ZNF215: variants seen among roughly 807,000 people sequenced by gnomAD.
The protein encoded by ZNF215 is BWSCR2-associated zinc finger protein 2.
ZNF215 carries 24 observed loss-of-function variants against 27.2 expected under a neutral mutation model. The observed-to-expected ratio is 0.88, with a 90% CI of 0.64 to 1.24. The LOEUF is 1.24. ZNF215 is among the 50% of genes most tolerant of loss of function. The pLI, the probability that ZNF215 is intolerant of heterozygous loss-of-function variation, is 0.00. For synonymous variants in ZNF215, 210 were observed against 204.0 expected, an observed-to-expected ratio of 1.03 and a Z score of -0.25; for missense variants, 675 against 605.7, an observed-to-expected ratio of 1.11 and a Z score of -1.20.
At chr11:6,972,603 G>A (rs1202092160) in intron 5 of ZNF215, among the ~76,000 whole-genome samples, 3 of 151,998 alleles carry the variant, frequency 2.0e-5, no homozygotes, top group Non-Finnish European at 4.4e-5. Flanking sequence ...TTTAATAAAT[G>A]GATTTTAAAT....
chr11:6,975,676 G>C (rs1850819497), intron 5 of ZNF215, among the ~76,000 whole-genome samples: 1 of 151,940 alleles, frequency 6.6e-6, no homozygotes, highest in Admixed American at 6.6e-5. Flanking sequence ...CAAATGACTG[G>C]ATCTCATTCT....
chr11:6,937,378 C>A (rs1161796010), intron 3 of ZNF215, among the ~76,000 whole-genome samples: 3 of 151,642 alleles, frequency 2.0e-5, no homozygotes, highest in African/African-American at 7.3e-5. Flanking sequence ...AAATTAAAGA[C>A]CTAAGTAAAT....
intron 6 of ZNF215, among the ~76,000 whole-genome samples, chr11:6,948,072 C>T (rs1849888393): frequency 6.6e-6 from 1 of 152,138 alleles, no homozygotes; most frequent in African/African-American, 2.4e-5. Flanking sequence ...GTTGGCTTAG[C>T]AATCATTGGA....
downstream of ZNF215, chr11:6,988,413 T>C (rs1405187700): frequency 4.1e-6 from 1 of 241,646 alleles, no homozygotes; most frequent in African/African-American, 2.3e-5. Context: ...TTAATGTAAC[T>C]GATTTTCCCT....
At chr11:6,952,241 C>G (rs1034112941) in intron 6 of ZNF215, among the ~76,000 whole-genome samples, 24 of 152,104 alleles carry the variant, frequency 1.6e-4, no homozygotes, top group Non-Finnish European at 2.2e-4. Flanking sequence ...CTGTAGATGT[C>G]TATTAGGTCT....
chr11:6,951,929 T>C (rs1483258902), intron 6 of ZNF215, among the ~76,000 whole-genome samples: 1 of 152,190 alleles, frequency 6.6e-6, no homozygotes, highest in East Asian at 1.9e-4. Context: ...TTCTGGTATG[T>C]TGTGTCTTTG....
chr11:6,943,215 G>C lies in ZNF215; in HGVS notation c.616G>C (p.Ala206Pro), dbSNP rs753583577. Residue 206 changes from alanine to proline, a missense_variant and splice_region_variant, in exon 5 of 7, where the codon GCA becomes CCA. By Grantham distance (27) the Ala-to-Pro change is conservative. Transcript: ENST00000278319. ...TAGGAACCTGAATTCATTGCGTAAA[G>C]GTGGTTTCTATATGTTTACCTAATC... ...NFRNLNSLRK[A>P]HLLSKPFESL... The C allele has an allele frequency of 6.2e-7, 1 of 1,610,470 alleles. No individual in the cohort carries two copies. Among genetic ancestry groups the C allele is most frequent in the East Asian group, 2.2e-5 (1 of 44,850 alleles).
At chr11:6,927,632 T>A (rs1422718258) in intron 1 of ZNF215, 30 bp from the exon 2 acceptor site, 1 of 152,252 alleles carries the variant, frequency 6.6e-6, no homozygotes, top group African/African-American at 2.4e-5. Flanking sequence ...AGAGTTTAAC[T>A]GTTATATTTC....
chr11:6,968,029 T>A (rs529847486), intron 5 of ZNF215, among the ~76,000 whole-genome samples: 3 of 152,354 alleles, frequency 2.0e-5, no homozygotes, highest in African/African-American at 7.2e-5. Context: ...CAACACCATT[T>A]ATTAAATAGG....
In ZNF215 at chr11:6,973,416, A is replaced by C. The variant is rs527408762; in HGVS notation, c.806-10713A>C. ...TAATCCTTTGGGTATATACCCAGTA[A>C]TGGGATGGCTGGGTCAAATGGTATT... is the stretch of plus-strand genomic sequence containing the variant. On this transcript the variant is annotated intron_variant, in intron 5 of 5. Transcript: ENST00000529903. Among the ~76,000 whole-genome samples, 531 of 152,316 alleles carry C rather than the reference A, an allele frequency of 3.5e-3. 3 individuals carry two copies. Among genetic ancestry groups the C allele is most frequent in the African/African-American group, 0.012 (506 of 41,564 alleles).
At chr11:6,972,512 A>G (rs112250543) in intron 5 of ZNF215, among the ~76,000 whole-genome samples, 31 of 152,120 alleles carry the variant, frequency 2.0e-4, no homozygotes, top group African/African-American at 7.0e-4. Flanking sequence ...CAAATACTGT[A>G]AACTCTCCTA....
In ZNF215 at chr11:6,956,632, C is replaced by T; in HGVS notation, c.*101C>T. The T allele has an allele frequency of 1.4e-6, 2 of 1,423,198 alleles. No homozygotes were observed. Among genetic ancestry groups the T allele is most frequent in the South Asian group, 1.7e-5 (1 of 59,520 alleles). The allele number at this position is 1,423,198 out of a possible 1,614,324, so 88.2% of individuals were successfully genotyped here. A position where few individuals can be genotyped will look rare whatever the true frequency, so the allele number is the denominator to read the frequency against. On this transcript the variant is annotated 3_prime_UTR_variant, in exon 7 of 7. Transcript: ENST00000278319. Reference sequence around the variant, plus strand: ...ATCTCATGAATATAATGTAAGAAAACATTTGTCAGATTTTTCTTTAAATGA... The same window carrying T: ...ATCTCATGAATATAATGTAAGAAAATATTTGTCAGATTTTTCTTTAAATGA...
At position 6,957,679 on chromosome 11, in the gene ZNF215, T is replaced by C; in HGVS notation, c.*1148T>C. The stretch of plus-strand genomic sequence containing the variant: ...GTCTATGGTAAAATTGGTTTTGTTA[T>C]ACATCATTTCACTTAAAGTTGCAGT... On this transcript the variant is annotated 3_prime_UTR_variant, in exon 7 of 7. Coordinates refer to ENST00000278319, the MANE Select transcript of ZNF215 (RefSeq NM_013250.4). The C allele has an allele frequency of 1.1e-6, 1 of 916,686 alleles. No homozygotes were observed. Among genetic ancestry groups the C allele is most frequent in the Non-Finnish European group, 1.3e-6 (1 of 767,394 alleles). 56.8% of individuals were successfully genotyped at this position (916,686 alleles called of 1,614,324 possible).
chr11:6,927,151 T>C (rs1849081661), intron 1 of ZNF215, among the ~76,000 whole-genome samples: 1 of 152,118 alleles, frequency 6.6e-6, no homozygotes, highest in Admixed American at 6.5e-5. Context: ...CAAGCGTGAC[T>C]GGATCAATCA....
intron 3 of ZNF215, 94 bp downstream of exon 3, chr11:6,932,766 G>T: frequency 8.4e-7 from 1 of 1,185,608 alleles, no homozygotes; most frequent in Non-Finnish European, 1.2e-6. Context: ...TCAAGTGCCA[G>T]ATCTTGAAGG....
At chr11:6,982,758 G>A (rs1850982997) in intron 5 of ZNF215, among the ~76,000 whole-genome samples, 1 of 151,934 alleles carries the variant, frequency 6.6e-6, no homozygotes, top group Non-Finnish European at 1.5e-5. Context: ...ATTCAAAGCA[G>A]TGTGTAGAGG....
chr11:6,943,394 A>T, intron 5 of ZNF215, 152 bp from the exon 6 acceptor site: 1 of 1,090,668 alleles, frequency 9.2e-7, no homozygotes, highest in East Asian at 2.5e-5. Context: ...TCTGATATTG[A>T]GCCAGAGATA....
intron 6 of ZNF215, among the ~76,000 whole-genome samples, chr11:6,948,464 T>C (rs1465263960): frequency 7.1e-6 from 1 of 141,516 alleles, no homozygotes; most frequent in African/African-American, 2.8e-5. Flanking sequence ...AGGACAATGG[T>C]TATTGTTTTT....
chr11:6,940,880 T>C (rs1274912919), intron 3 of ZNF215, among the ~76,000 whole-genome samples: 1 of 152,242 alleles, frequency 6.6e-6, no homozygotes, highest in African/African-American at 2.4e-5. Context: ...ATAAATGTAA[T>C]GTTTTAACAA....
Sources: gnomAD v4.1 joint callset for allele counts (sites outside exome capture counted in the v4.1 genomes callset) on GRCh38, gnomAD v4.1.1 for gene constraint, MANE v1.5 for transcripts, NCBI Gene and HGNC (gene_info 2026-07-23, HGNC 2026-07-21) for gene names.